The following KANSL1 variants were observed in gnomAD, a reference collection of about 807,000 sequenced individuals.
KANSL1 encodes the protein KAT8 regulatory NSL complex subunit 1, also known as MLL1/MLL complex subunit KANSL1.
A neutral mutation model predicts 103.6 loss-of-function variants in KANSL1; 22 were observed. The observed-to-expected ratio is 0.21, with a 90% CI of 0.15 to 0.30. The LOEUF (loss-of-function observed/expected upper bound fraction) is 0.30, where lower values mean the gene tolerates loss of function less well. Ranked by LOEUF, KANSL1 falls within the 10% of genes least tolerant of loss-of-function variation. The pLI is 1.00. For missense variants in KANSL1, 1,337 were observed against 1,399.8 expected, an observed-to-expected ratio of 0.96 and a Z score of 0.72; for synonymous variants, 600 against 527.6, an observed-to-expected ratio of 1.14 and a Z score of -1.88.
At chr17:46,206,083 CA>C (rs71226716) in intron 1 of KANSL1, among the ~76,000 whole-genome samples, 14,629 of 89,762 alleles carry the variant, frequency 0.16, 3 homozygotes, top group Middle Eastern at 0.23. Context: ...CTGTGTCCCC[CA>C]AAAAAAAAAA....
At position 46,033,028 on chromosome 17, in the gene KANSL1, C is replaced by T; in HGVS notation, c.2837+52G>A. ...CATGGACTCAAGTAGGGCCCAAACT[C>T]CCTGTCCACCCTCTCTCCACAGGCC... On this transcript the variant is annotated intron_variant, in intron 13 of 14. Coordinates refer to ENST00000432791, the MANE Select transcript of KANSL1 (RefSeq NM_015443.4). 5 of 1,421,446 alleles carry T rather than the reference C, an allele frequency of 3.5e-6. No individual in the cohort carries two copies. In the South Asian group the frequency reaches 6.6e-5, roughly 19 times the overall value. The allele number at this position is 1,421,446 out of a possible 1,614,324, so 88.1% of individuals were successfully genotyped here.
At chr17:46,183,002 G>A (rs543306603) in intron 1 of KANSL1, among the ~76,000 whole-genome samples, 1 of 152,366 alleles carries the variant, frequency 6.6e-6, no homozygotes, top group South Asian at 2.1e-4. Context: ...GTACATACAA[G>A]GATGACAAGC....
At position 46,172,135 on chromosome 17, in the gene KANSL1, C is replaced by T. The variant is rs760085435; in HGVS notation, c.9G>A (p.Ala3=). 14 of 1,603,958 alleles carry T rather than the reference C, an allele frequency of 8.7e-6. No individual in the cohort carries two copies. Among genetic ancestry groups the T allele is most frequent in the South Asian group, 1.1e-5 (1 of 91,042 alleles). MA[A]MAPALTDAAA... is the part of the protein sequence containing the mutation. ...CTGCGTCAGTGAGAGCGGGCGCCAT[C>T]GCAGCCATTCAGCACAGAGAGACAG... The change falls in exon 2 of 15, where the codon GCG becomes GCA. Residue 3 remains alanine (A), a synonymous_variant. Transcript: ENST00000432791.
At chr17:46,043,464 T>A (rs566150307) in intron 7 of KANSL1, 1 of 152,302 alleles carries the variant, frequency 6.6e-6, no homozygotes, top group East Asian at 1.9e-4. Context: ...ACCTGTGAAA[T>A]GAGGCAGTGG....
intron 5 of KANSL1, among the ~76,000 whole-genome samples, chr17:46,067,269 C>T (rs750444634): frequency 9.2e-5 from 14 of 152,334 alleles, no homozygotes; most frequent in Non-Finnish European, 1.8e-4. Context: ...TTAATATAAG[C>T]ACTTCTGAGG....
intron 3 of KANSL1, among the ~76,000 whole-genome samples, chr17:46,085,567 G>A (rs1026496426): frequency 6.6e-6 from 1 of 152,160 alleles, no homozygotes; most frequent in African/African-American, 2.4e-5. Flanking sequence ...ACGAATCACT[G>A]TAACCTCCCC....
chr17:46,107,313 TCTCA>T (rs2042610454), intron 2 of KANSL1, among the ~76,000 whole-genome samples: 1 of 152,234 alleles, frequency 6.6e-6, no homozygotes, highest in Non-Finnish European at 1.5e-5. Flanking sequence ...ATTTGTCTCT[TCTCA>T]CTGTTTCTTT....
chr17:46,084,169 G>GC (rs1418669822), intron 3 of KANSL1, among the ~76,000 whole-genome samples: 1 of 144,050 alleles, frequency 6.9e-6, no homozygotes, highest in Non-Finnish European at 1.6e-5. Context: ...ACCTGAGGTC[G>GC]TCAGGAGTTC....
chr17:46,176,665 G>C (rs569547101), intron 1 of KANSL1, among the ~76,000 whole-genome samples: 1 of 150,790 alleles, frequency 6.6e-6, no homozygotes, highest in East Asian at 1.9e-4. Context: ...CACTCCAGCC[G>C]GGGCAACAAG....
At chr17:46,195,546 T>G (rs1452503895), upstream of KANSL1, among the ~76,000 whole-genome samples, 1 of 152,232 alleles carries the variant, frequency 6.6e-6, no homozygotes, top group Non-Finnish European at 1.5e-5. Context: ...ATCAGACATC[T>G]TTCTTATTAG....
At chr17:46,109,993 T>G (rs1264313642) in intron 2 of KANSL1, among the ~76,000 whole-genome samples, 1 of 152,190 alleles carries the variant, frequency 6.6e-6, no homozygotes, top group African/African-American at 2.4e-5. Flanking sequence ...CAATGGGAGA[T>G]TATTCTGCAG....
At chr17:46,100,567 T>C (rs999490286) in intron 2 of KANSL1, among the ~76,000 whole-genome samples, 1 of 152,248 alleles carries the variant, frequency 6.6e-6, no homozygotes, top group African/African-American at 2.4e-5. Flanking sequence ...ATTTTTGTTT[T>C]TAGTTCTTTA....
chr17:46,077,518 T>A (rs1188054173), intron 4 of KANSL1, among the ~76,000 whole-genome samples: 4 of 152,156 alleles, frequency 2.6e-5, no homozygotes, highest in Admixed American at 1.3e-4. Flanking sequence ...TTTACTACAA[T>A]GTTGTGATTC....
chr17:46,066,561 G>A lies in KANSL1; in HGVS notation c.1824C>T (p.Asn608=), dbSNP rs753781787. 3 of 1,613,268 alleles carry A rather than the reference G, an allele frequency of 1.9e-6. No homozygotes were observed. In the African/African-American group the frequency reaches 4.0e-5, roughly 22 times the overall value. The change falls in exon 6 of 15, where the codon AAC becomes AAT. Residue 608 remains asparagine (N), a synonymous_variant. Transcript: ENST00000432791. ...CCTTCTTGGAAAGAGGAACGATGCT[G>A]TTGGGTCGAACAAGCCTCCGCTTCT... ...SCKKRRLVRP[N]SIVPLSKKVH... is the part of the protein sequence containing the mutation.
chr17:46,053,075 G>A (rs1439966816), intron 6 of KANSL1, among the ~76,000 whole-genome samples: 1 of 149,944 alleles, frequency 6.7e-6, no homozygotes, highest in Admixed American at 6.7e-5. Flanking sequence ...ATAACCTGAG[G>A]TCAGGAGTTC....
chr17:46,150,487 G>A (rs2045030672), intron 2 of KANSL1, among the ~76,000 whole-genome samples: 1 of 152,198 alleles, frequency 6.6e-6, no homozygotes, highest in Non-Finnish European at 1.5e-5. Context: ...TTATTTACAA[G>A]TCATCTCTGT....
intron 2 of KANSL1, among the ~76,000 whole-genome samples, chr17:46,128,126 T>G (rs567306851): frequency 6.6e-6 from 1 of 152,242 alleles, no homozygotes; most frequent in East Asian, 1.9e-4. Context: ...GCTTCCCTAA[T>G]TCTTAACATG....
intron 1 of KANSL1, among the ~76,000 whole-genome samples, chr17:46,172,797 A>C (rs2046351419): frequency 6.6e-6 from 1 of 152,220 alleles, no homozygotes; most frequent in Admixed American, 6.5e-5. Flanking sequence ...TTGTTTCATC[A>C]GTTTTCTTTT....
chr17:46,117,903 C>A (rs2043113403), intron 2 of KANSL1, among the ~76,000 whole-genome samples: 2 of 152,082 alleles, frequency 1.3e-5, no homozygotes, highest in African/African-American at 4.8e-5. Context: ...ATAAAATAAT[C>A]CAAGAATGTC....
Sources: gnomAD v4.1 joint callset for allele counts (sites outside exome capture counted in the v4.1 genomes callset) on GRCh38, gnomAD v4.1.1 for gene constraint, MANE v1.5 for transcripts, NCBI Gene and HGNC (gene_info 2026-07-23, HGNC 2026-07-21) for gene names.